The following LRRC7 variants were observed in gnomAD, a reference collection of about 807,000 sequenced individuals.
LRRC7 encodes leucine rich repeat containing 7.
A neutral mutation model predicts 175.7 loss-of-function variants in LRRC7; 23 were observed. That is an observed-to-expected ratio of 0.13 (90% CI 0.09 to 0.19). The LOEUF (loss-of-function observed/expected upper bound fraction) is 0.19, where lower values mean the gene tolerates loss of function less well. Ranked by LOEUF, LRRC7 falls within the 10% of genes least tolerant of loss-of-function variation. LRRC7 has a pLI of 1.00. For synonymous variants in LRRC7, 685 were observed against 680.9 expected, an observed-to-expected ratio of 1.01 and a Z score of -0.09; for missense variants, 1,354 against 1,904.7, an observed-to-expected ratio of 0.71 and a Z score of 5.38.
At chr1:69,980,602 A>G (rs1159839724) in intron 9 of LRRC7, 149 bp downstream of exon 9, 1 of 433,996 alleles carries the variant, frequency 2.3e-6, no homozygotes. Context: ...TGTTTTCACC[A>G]TTTTTTTTTT....
At chr1:70,076,641 A>G (rs887301138) in intron 24 of LRRC7, among the ~76,000 whole-genome samples, 1 of 152,218 alleles carries the variant, frequency 6.6e-6, no homozygotes, top group East Asian at 1.9e-4. Flanking sequence ...TGGATTAGGT[A>G]TATTTACCAA....
intron 7 of LRRC7, among the ~76,000 whole-genome samples, chr1:69,871,760 A>G (rs1391099094): frequency 6.6e-6 from 1 of 152,024 alleles, no homozygotes; most frequent in African/African-American, 2.4e-5. Context: ...AGCAAAATCC[A>G]TGAGACAAAA....
At position 69,905,847 on chromosome 1, in the gene LRRC7, G is replaced by T. The variant is rs577791834; in HGVS notation, c.648-25660G>T. 6.3e-3 allele frequency among the ~76,000 whole-genome samples: 959 copies of T among 152,192 alleles called. 6 individuals are homozygous for T. The highest frequency in any genetic ancestry group is 0.014 in the African/African-American group (601 of 41,534). Reference sequence around the variant, plus strand: ...GGAATCACCACACTGACTTCCACAAGGGTTGAACTAGTTTACAGTCCCACC... The same window carrying T: ...GGAATCACCACACTGACTTCCACAATGGTTGAACTAGTTTACAGTCCCACC... On this transcript the variant is annotated intron_variant, in intron 7 of 26. Coordinates refer to ENST00000651989, the MANE Select transcript of LRRC7 (RefSeq NM_001370785.2).
At chr1:69,942,241 T>C (rs1487129609) in intron 8 of LRRC7, among the ~76,000 whole-genome samples, 1 of 152,130 alleles carries the variant, frequency 6.6e-6, no homozygotes, top group East Asian at 1.9e-4. Flanking sequence ...ACAAAACCCG[T>C]ATGAAGGGTA....
intron 7 of LRRC7, among the ~76,000 whole-genome samples, chr1:69,927,263 G>A (rs1647109998): frequency 6.6e-6 from 1 of 152,096 alleles, no homozygotes. Flanking sequence ...TTTCAACTTT[G>A]GTGAATCTGA....
intron 7 of LRRC7, among the ~76,000 whole-genome samples, chr1:69,893,738 A>G (rs990637112): frequency 6.6e-6 from 1 of 152,230 alleles, no homozygotes; most frequent in Non-Finnish European, 1.5e-5. Context: ...TGTAGCTTCT[A>G]ATAATATCAA....
intron 1 of LRRC7, among the ~76,000 whole-genome samples, chr1:69,595,515 G>A (rs973890787): frequency 1.3e-5 from 2 of 152,204 alleles, no homozygotes; most frequent in Non-Finnish European, 2.9e-5. Flanking sequence ...CAGGGAGTCT[G>A]GCCTTCAGCC....
intron 24 of LRRC7, among the ~76,000 whole-genome samples, chr1:70,089,217 C>A (rs1291148370): frequency 6.6e-5 from 10 of 152,186 alleles, no homozygotes; most frequent in African/African-American, 2.4e-4. Flanking sequence ...ACTAAAAGAT[C>A]TAATATTCCT....
intron 2 of LRRC7, among the ~76,000 whole-genome samples, chr1:69,717,047 A>C (rs534356187): frequency 6.6e-6 from 1 of 151,000 alleles, no homozygotes; most frequent in Admixed American, 6.7e-5. Context: ...CTGATTTTAC[A>C]TATATATCTA....
intron 1 of LRRC7, among the ~76,000 whole-genome samples, chr1:69,613,631 T>C (rs906773730): frequency 6.6e-6 from 1 of 152,052 alleles, no homozygotes; most frequent in African/African-American, 2.4e-5. Context: ...TCATTCACTG[T>C]TACATTCTCA....
At chr1:69,660,585 T>C (rs1024437160) in intron 1 of LRRC7, among the ~76,000 whole-genome samples, 15 of 152,006 alleles carry the variant, frequency 9.9e-5, no homozygotes, top group Admixed American at 1.3e-4. Context: ...TTAACTGTGG[T>C]TCTCAGGAAA....
At chr1:69,986,101 C>G (rs1437238242) in intron 9 of LRRC7, 141 bp from the exon 10 acceptor site, 2 of 742,620 alleles carry the variant, frequency 2.7e-6, no homozygotes, top group Non-Finnish European at 4.2e-6. Context: ...TTGAAGTTTA[C>G]AATTCCTCCA....
rs1280885388 is a variant in LRRC7, at chr1:70,143,279, G to C, written c.*21392G>C. On this transcript the variant is annotated 3_prime_UTR_variant, in exon 27 of 27. Transcript: ENST00000651989. ...GTGACATCTTAAGGCCAAGTAACCA[G>C]AGCTCCTTTAGCCAGAGAAAGAACT... The C allele has an allele frequency of 2.0e-5, 3 of 150,974 alleles. No individual in the cohort carries two copies. Among genetic ancestry groups the C allele is most frequent in the African/African-American group, 7.3e-5 (3 of 41,004 alleles). The allele number at this position is 150,974 out of a possible 1,614,324, so 9.4% of individuals were successfully genotyped here.
chr1:69,990,308 A>G (rs1046024327), intron 10 of LRRC7, among the ~76,000 whole-genome samples: 2 of 152,078 alleles, frequency 1.3e-5, no homozygotes, highest in African/African-American at 4.8e-5. Context: ...GAAGAGATGG[A>G]GACTTGCAGA....
At chr1:70,101,609 T>G (rs1664812587) in intron 25 of LRRC7, among the ~76,000 whole-genome samples, 1 of 152,196 alleles carries the variant, frequency 6.6e-6, no homozygotes, top group African/African-American at 2.4e-5. Flanking sequence ...AGGTAACCAG[T>G]AAGGCAAGGT....
At chr1:69,586,177 C>G (rs67453917) in intron 1 of LRRC7, among the ~76,000 whole-genome samples, 15,385 of 152,184 alleles carry the variant, frequency 0.1, 883 homozygotes, top group African/African-American at 0.12. Context: ...ATTTAAAATA[C>G]TGACCTACTT....
chr1:69,837,961 T>G (rs1017806714), intron 6 of LRRC7, among the ~76,000 whole-genome samples: 2 of 151,662 alleles, frequency 1.3e-5, no homozygotes, highest in Non-Finnish European at 3.0e-5. Context: ...GTACATATAG[T>G]TGTATATATT....
intron 18 of LRRC7, among the ~76,000 whole-genome samples, chr1:70,033,165 C>T (rs1341071686): frequency 2.0e-5 from 3 of 152,196 alleles, no homozygotes; most frequent in African/African-American, 7.2e-5. Context: ...TACACAGTAT[C>T]ACATAGATCT....
At chr1:69,766,471 C>T (rs994308667) in intron 3 of LRRC7, among the ~76,000 whole-genome samples, 2 of 152,140 alleles carry the variant, frequency 1.3e-5, no homozygotes, top group African/African-American at 4.8e-5. Context: ...GAAGTTCTTG[C>T]TTCCTATCAG....
Sources: gnomAD v4.1 joint callset for allele counts (sites outside exome capture counted in the v4.1 genomes callset) on GRCh38, gnomAD v4.1.1 for gene constraint, MANE v1.5 for transcripts, NCBI Gene and HGNC (gene_info 2026-07-23, HGNC 2026-07-21) for gene names.